Variants in AKAP6 observed in about 807,000 individuals in gnomAD.
The protein encoded by AKAP6 is A-kinase anchoring protein 6.
AKAP6 carries 58 observed loss-of-function variants against 188.5 expected under a neutral mutation model. The ratio of observed to expected loss-of-function variants is 0.31; its 90% CI spans 0.25 to 0.38. The LOEUF is 0.38. Ranked by LOEUF, AKAP6 falls within the 10% of genes least tolerant of loss-of-function variation. AKAP6 has a pLI of 1.00. For missense variants in AKAP6, 2,710 were observed against 2,740.0 expected (o/e 0.99, Z 0.24); for synonymous variants, 989 against 998.6 (o/e 0.99, Z 0.18).
At chr14:32,780,157 C>CATATATATATATATATATATATATAT (rs59506546) in intron 12 of AKAP6, among the ~76,000 whole-genome samples, 3,034 of 117,080 alleles carry the variant, frequency 0.026, 134 homozygotes, top group Non-Finnish European at 0.037. Context: ...AAAAAAAAAA[C>CATATATATATATATATATATATATAT]ATATATATAT....
At chr14:32,674,168 G>A (rs1889334020) in intron 7 of AKAP6, among the ~76,000 whole-genome samples, 1 of 152,176 alleles carries the variant, frequency 6.6e-6, no homozygotes, top group Non-Finnish European at 1.5e-5. Context: ...TGTTTAAAGT[G>A]TTGAAATAAG....
intron 1 of AKAP6, among the ~76,000 whole-genome samples, chr14:32,357,245 G>A (rs1445232308): frequency 6.6e-6 from 1 of 152,110 alleles, no homozygotes; most frequent in Non-Finnish European, 1.5e-5. Context: ...CTAAATTTAG[G>A]ACAAAATTTT....
At chr14:32,755,141 G>A (rs967464784) in intron 11 of AKAP6, among the ~76,000 whole-genome samples, 2 of 152,142 alleles carry the variant, frequency 1.3e-5, no homozygotes, top group Middle Eastern at 3.4e-3. Context: ...GCATGCATTG[G>A]TTCACTTGGT....
intron 2 of AKAP6, among the ~76,000 whole-genome samples, chr14:32,505,500 A>T (rs1366066946): frequency 6.6e-6 from 1 of 152,164 alleles, no homozygotes; most frequent in African/African-American, 2.4e-5. Context: ...AACCAAATCC[A>T]TGATGAACAA....
chr14:32,350,221 C>T (rs1013730680), intron 1 of AKAP6, among the ~76,000 whole-genome samples: 23 of 152,052 alleles, frequency 1.5e-4, no homozygotes, highest in African/African-American at 4.8e-4. Context: ...TAAGTATAAC[C>T]CTAACCAAGT....
intron 12 of AKAP6, among the ~76,000 whole-genome samples, chr14:32,801,763 T>C (rs950203158): frequency 6.6e-6 from 1 of 152,206 alleles, no homozygotes; most frequent in Non-Finnish European, 1.5e-5. Context: ...TGAAGGAGAA[T>C]TTGTGGATTT....
chr14:32,521,467 C>T (rs921193368), intron 2 of AKAP6, among the ~76,000 whole-genome samples: 1 of 152,270 alleles, frequency 6.6e-6, no homozygotes, highest in African/African-American at 2.4e-5. Flanking sequence ...TCTCCTTAAG[C>T]TGATAAGCAA....
chr14:32,386,876 T>G (rs1888552181), intron 1 of AKAP6, among the ~76,000 whole-genome samples: 1 of 152,128 alleles, frequency 6.6e-6, no homozygotes, highest in Non-Finnish European at 1.5e-5. Context: ...CTTTCCCCAC[T>G]TTATGTTTTT....
At chr14:32,383,873 A>G (rs1167503609) in intron 1 of AKAP6, among the ~76,000 whole-genome samples, 5 of 152,192 alleles carry the variant, frequency 3.3e-5, no homozygotes, top group Middle Eastern at 3.2e-3. Context: ...CCAAGTATCA[A>G]TCTCTCATGC....
chr14:32,412,972 C>A (rs1889536172), intron 1 of AKAP6, among the ~76,000 whole-genome samples: 1 of 152,074 alleles, frequency 6.6e-6, no homozygotes, highest in Non-Finnish European at 1.5e-5. Flanking sequence ...GATAATCAAT[C>A]TCACCATGTG....
chr14:32,564,951 T>C (rs1448180660), intron 4 of AKAP6, among the ~76,000 whole-genome samples: 1 of 152,194 alleles, frequency 6.6e-6, no homozygotes, highest in Non-Finnish European at 1.5e-5. Context: ...TGTTTATGTT[T>C]AAAGAGTTTC....
intron 3 of AKAP6, among the ~76,000 whole-genome samples, chr14:32,540,158 C>CTATATA (rs1566563373): frequency 8.9e-6 from 1 of 112,756 alleles, no homozygotes; most frequent in Non-Finnish European, 1.7e-5. Flanking sequence ...CTCTCTCTCT[C>CTATATA]TCTCTCTCTC....
chr14:32,421,444 T>C (rs746425159), intron 1 of AKAP6, among the ~76,000 whole-genome samples: 17 of 152,182 alleles, frequency 1.1e-4, no homozygotes, highest in Non-Finnish European at 2.1e-4. Context: ...TTTTTGCTAT[T>C]ATACATACTT....
intron 2 of AKAP6, among the ~76,000 whole-genome samples, chr14:32,481,056 C>G (rs973155088): frequency 3.3e-5 from 5 of 152,084 alleles, no homozygotes; most frequent in Non-Finnish European, 5.9e-5. Context: ...GTCCATATTT[C>G]ATATTTATAT....
chr14:32,551,280 G>T (rs1883447918), intron 4 of AKAP6, among the ~76,000 whole-genome samples: 1 of 152,038 alleles, frequency 6.6e-6, no homozygotes, highest in South Asian at 2.1e-4. Flanking sequence ...TCTTTTAAAA[G>T]ATGTAACCCA....
At chr14:32,369,991 A>G (rs973861982) in intron 1 of AKAP6, among the ~76,000 whole-genome samples, 1 of 152,220 alleles carries the variant, frequency 6.6e-6, no homozygotes, top group Non-Finnish European at 1.5e-5. Context: ...AGACCGCGCC[A>G]TTGCACTCCA....
intron 2 of AKAP6, among the ~76,000 whole-genome samples, chr14:32,503,663 C>G (rs1259765704): frequency 6.6e-6 from 1 of 151,580 alleles, no homozygotes; most frequent in African/African-American, 2.4e-5. Context: ...TTGAGATGCC[C>G]CCTTTATCAC....
chr14:32,587,224 G>GTT (rs5807668), intron 5 of AKAP6, among the ~76,000 whole-genome samples: 4 of 151,612 alleles, frequency 2.6e-5, no homozygotes, highest in South Asian at 2.1e-4. Context: ...GTTGGTCATT[G>GTT]TTTTTTTTGC....
intron 2 of AKAP6, among the ~76,000 whole-genome samples, chr14:32,498,815 A>G (rs1880458697): frequency 1.3e-5 from 2 of 152,152 alleles, no homozygotes; most frequent in Non-Finnish European, 2.9e-5. Flanking sequence ...CTCAAGGTGT[A>G]AGAGCCAAAA....
Sources: gnomAD v4.1 joint callset for allele counts (sites outside exome capture counted in the v4.1 genomes callset) on GRCh38, gnomAD v4.1.1 for gene constraint, MANE v1.5 for transcripts, NCBI Gene and HGNC (gene_info 2026-07-23, HGNC 2026-07-21) for gene names.